Variants in GALNT18 observed in about 807,000 individuals in gnomAD.
GALNT18 encodes GalNAc-transferase 18.
Under a neutral mutation model 69.5 loss-of-function variants are expected in GALNT18, and 44 were observed. The observed-to-expected ratio is 0.63, with a 90% CI of 0.50 to 0.81. The LOEUF is 0.81. Ranked by LOEUF, GALNT18 falls within the 40% of genes least tolerant of loss-of-function variation. GALNT18 has a pLI of 0.00. For missense variants in GALNT18, 715 were observed against 810.0 expected (o/e 0.88, Z 1.42); for synonymous variants, 364 against 318.2 (o/e 1.14, Z -1.53).
intron 1 of GALNT18, among the ~76,000 whole-genome samples, chr11:11,453,686 A>T (rs536505848): frequency 1.4e-4 from 21 of 152,162 alleles, no homozygotes; most frequent in Non-Finnish European, 2.5e-4. Flanking sequence ...ATAGTGAATA[A>T]CCCTCAAGAG....
At position 11,463,179 on chromosome 11, in the gene GALNT18, C is replaced by T. The variant is rs1002676961; in HGVS notation, c.236-14243G>A. ...AGTTATCACTGGCTGTATCCTCACA[C>T]ATGGACATACACACTCAGACAGACA... is the stretch of plus-strand genomic sequence containing the variant. On this transcript the variant is annotated intron_variant, in intron 1 of 10. Coordinates refer to ENST00000227756, the MANE Select transcript of GALNT18 (RefSeq NM_198516.3). The surrounding 1 kb of genome is among the most constrained non-coding windows in gnomAD (Gnocchi z 4.2). Among the ~76,000 whole-genome samples the T allele has an allele frequency of 8.7e-5, 13 of 149,912 alleles. No individual in the cohort carries two copies. The highest frequency in any genetic ancestry group is 3.2e-4 in the African/African-American group (13 of 40,516).
At chr11:11,316,002 G>C (rs1169655333) in intron 9 of GALNT18, among the ~76,000 whole-genome samples, 2 of 152,172 alleles carry the variant, frequency 1.3e-5, no homozygotes, top group Non-Finnish European at 2.9e-5. Flanking sequence ...AACCGTGCGA[G>C]GTGACAGCTC....
intron 1 of GALNT18, among the ~76,000 whole-genome samples, chr11:11,531,135 C>T (rs376285284): frequency 4.6e-5 from 7 of 152,226 alleles, no homozygotes; most frequent in South Asian, 2.1e-4. Flanking sequence ...AGACACTACA[C>T]GAGGATTTAT....
In GALNT18 at chr11:11,619,458, G is replaced by A. The variant is rs1209414526; in HGVS notation, c.235+1901C>T. On this transcript the variant is annotated intron_variant, in intron 1 of 10. Transcript: ENST00000227756. The surrounding 1 kb of genome is among the most constrained non-coding windows in gnomAD (Gnocchi z 4.9). ...TGGAACCTTAGAAATCATGTGACAT[G>A]GTCCACATTCCACATGACTGGCACC... 1.3e-5 allele frequency among the ~76,000 whole-genome samples: 2 copies of A among 152,112 alleles called. No individual in the cohort carries two copies. The highest frequency in any genetic ancestry group is 4.8e-5 in the African/African-American group (2 of 41,400).
intron 1 of GALNT18, among the ~76,000 whole-genome samples, chr11:11,568,405 A>G (rs1858703894): frequency 6.6e-6 from 1 of 152,136 alleles, no homozygotes; most frequent in South Asian, 2.1e-4. Flanking sequence ...CAATTTCACC[A>G]TAACTCATTT....
In GALNT18 at chr11:11,377,461, C is replaced by T; in HGVS notation, c.780-82G>A. 1 of 1,277,432 alleles carries T rather than the reference C, an allele frequency of 7.8e-7. No homozygotes were observed. Among genetic ancestry groups the T allele is most frequent in the Non-Finnish European group, 1.1e-6 (1 of 888,896 alleles). 79.1% of individuals were successfully genotyped at this position (1,277,432 alleles called of 1,614,324 possible). A position where few individuals can be genotyped will look rare whatever the true frequency, so the allele number is the denominator to read the frequency against. On this transcript the variant is annotated intron_variant, in intron 4 of 10. Transcript: ENST00000227756. This position sits in a 1 kb window ranked among gnomAD's most constrained non-coding sequence, Gnocchi z 4.6. ...GAGTAGCATCTCCTGAAGGTCCTTC[C>T]CCAGCAGAAAGAGGAAGGAAGGCCT...
At chr11:11,429,968 C>T (rs1855229623) in intron 3 of GALNT18, among the ~76,000 whole-genome samples, 1 of 152,020 alleles carries the variant, frequency 6.6e-6, no homozygotes, top group East Asian at 1.9e-4. Context: ...AGTGAGACTC[C>T]ATCTCTACAA....
Position 11,332,579 on chromosome 11 carries a change from C to G in GALNT18, c.1416+115G>C, listed in dbSNP as rs1850035006. The G allele has an allele frequency of 1.6e-6, 2 of 1,214,482 alleles. No individual in the cohort carries two copies. The highest frequency in any genetic ancestry group is 2.0e-5 in the Admixed American group (1 of 50,354). The allele number at this position is 1,214,482 out of a possible 1,614,324, so 75.2% of individuals were successfully genotyped here. On this transcript the variant is annotated intron_variant, in intron 8 of 10. Transcript: ENST00000227756. This position sits in a 1 kb window ranked among gnomAD's most constrained non-coding sequence, Gnocchi z 4.3. ...CAGAACCCAGCGCCCGGTCCCCAGG[C>G]CTACTGCAGTTCTTCATGTGAGCAG...
At chr11:11,286,708 TACTG>T (rs1479210088) in intron 10 of GALNT18, among the ~76,000 whole-genome samples, 1 of 152,126 alleles carries the variant, frequency 6.6e-6, no homozygotes, top group Non-Finnish European at 1.5e-5. Flanking sequence ...GTGCTGGAGA[TACTG>T]AAGTGTGAGA....
At position 11,388,594 on chromosome 11, in the gene GALNT18, G is replaced by A. The variant is rs1465654861; in HGVS notation, c.596-9330C>T. ...GCTGATTTCAGGCTACCAGCCTGACGCCACTGAGTCTGAGTTGGGAAGAGA... is the reference window on the plus strand; with the variant it reads ...GCTGATTTCAGGCTACCAGCCTGACACCACTGAGTCTGAGTTGGGAAGAGA... On this transcript the variant is annotated intron_variant, in intron 3 of 10. Transcript: ENST00000227756. 9.9e-5 allele frequency among the ~76,000 whole-genome samples: 15 copies of A among 152,174 alleles called. No homozygotes were observed. The East Asian group carries it at 2.7e-3, about 27-fold the overall frequency.
chr11:11,589,309 T>C (rs1859297100), intron 1 of GALNT18, among the ~76,000 whole-genome samples: 1 of 152,230 alleles, frequency 6.6e-6, no homozygotes, highest in African/African-American at 2.4e-5. Context: ...CAACAGATCC[T>C]TCTTGCTTCT....
rs1860069082 is a variant in GALNT18 at position 11,616,986 on chromosome 11, G to GT, written c.235+4372dup. Among the ~76,000 whole-genome samples, 1 of 152,158 alleles carries GT rather than the reference G, an allele frequency of 6.6e-6. No homozygotes were observed. Among genetic ancestry groups the GT allele is most frequent in the African/African-American group, 2.4e-5 (1 of 41,426 alleles). ...CATTGCAAAAGATCAGACAAAAATC[G>GT]TAACAATTTAGGCTACTACACTGAG... On this transcript the variant is annotated intron_variant, in intron 1 of 10. Transcript: ENST00000227756. The surrounding 1 kb of genome is among the most constrained non-coding windows in gnomAD (Gnocchi z 4.4).
rs118037570 is a variant in GALNT18 at position 11,433,777 on chromosome 11, C to T, written c.429-990G>A. The stretch of plus-strand genomic sequence containing the variant: ...TGCTGGTGCCCTTCCCTGCCTGATA[C>T]TAAATGCTGTTCTAGAAGGCACTAA... On this transcript the variant is annotated intron_variant, in intron 2 of 10. Coordinates refer to ENST00000227756, the MANE Select transcript of GALNT18 (RefSeq NM_198516.3). Among the ~76,000 whole-genome samples the T allele has an allele frequency of 1.1e-4, 16 of 152,274 alleles. No individual in the cohort carries two copies. The East Asian group carries it at 2.9e-3, about 28-fold the overall frequency.
chr11:11,512,740 G>A (rs1333760514), intron 1 of GALNT18, among the ~76,000 whole-genome samples: 5 of 152,170 alleles, frequency 3.3e-5, no homozygotes, highest in African/African-American at 4.8e-5. Context: ...TGAGGCCTGG[G>A]CTCGTTATGT....
chr11:11,589,410 C>T (rs1859299818), intron 1 of GALNT18, among the ~76,000 whole-genome samples: 2 of 152,108 alleles, frequency 1.3e-5, no homozygotes, highest in Non-Finnish European at 2.9e-5. Context: ...GTAACAAATG[C>T]CCACATTCCA....
chr11:11,378,752 TC>T (rs1180539293), intron 4 of GALNT18, among the ~76,000 whole-genome samples: 10 of 152,106 alleles, frequency 6.6e-5, no homozygotes, highest in African/African-American at 2.2e-4. Flanking sequence ...GGGAACCCTG[TC>T]CTTAGCGGGA....
chr11:11,533,550 C>A (rs1451361088), intron 1 of GALNT18, among the ~76,000 whole-genome samples: 2 of 152,230 alleles, frequency 1.3e-5, no homozygotes, highest in Admixed American at 1.3e-4. Context: ...TCAACAGGAC[C>A]TGGGCCCCTA....
intron 1 of GALNT18, among the ~76,000 whole-genome samples, chr11:11,471,606 T>C (rs1856271720): frequency 6.6e-6 from 1 of 152,164 alleles, no homozygotes; most frequent in South Asian, 2.1e-4. Context: ...TTTAGCCTAA[T>C]AGAGGTGATG....
In GALNT18 at chr11:11,480,513, G is replaced by A. The variant is rs1486512597; in HGVS notation, c.236-31577C>T. On this transcript the variant is annotated intron_variant, in intron 1 of 10. Coordinates refer to ENST00000227756, the MANE Select transcript of GALNT18 (RefSeq NM_198516.3). The surrounding 1 kb of genome is among the most constrained non-coding windows in gnomAD (Gnocchi z 4.6). Reference sequence around the variant, plus strand: ...TGAGCTGCAGTGGTCCATGAAGCACGTTGTGAACGTATCAGACACTCTGCT... The same window carrying A: ...TGAGCTGCAGTGGTCCATGAAGCACATTGTGAACGTATCAGACACTCTGCT... Among the ~76,000 whole-genome samples the A allele has an allele frequency of 6.6e-6, 1 of 150,400 alleles. No individual in the cohort carries two copies.
Sources: gnomAD v4.1 joint callset for allele counts (sites outside exome capture counted in the v4.1 genomes callset) on GRCh38, gnomAD v4.1.1 for gene constraint, Gnocchi (gnomAD v3.1) non-coding constraint, MANE v1.5 for transcripts, NCBI Gene and HGNC (gene_info 2026-07-23, HGNC 2026-07-21) for gene names.